GFOD2: variants seen among roughly 807,000 people sequenced by gnomAD.
GFOD2 encodes Gfo/Idh/MocA-like oxidoreductase domain containing 2.
A neutral mutation model predicts 24.6 loss-of-function variants in GFOD2; 9 were observed. The observed-to-expected ratio is 0.37, with a 90% CI of 0.22 to 0.64. The LOEUF (loss-of-function observed/expected upper bound fraction) is 0.64. GFOD2 is among the 30% of genes least tolerant of loss of function. The pLI, the probability that GFOD2 is intolerant of heterozygous loss-of-function variation, is 0.65. For synonymous variants in GFOD2, 211 were observed against 224.8 expected (o/e 0.94, Z 0.55); for missense variants, 476 against 532.5 (o/e 0.89, Z 1.04).
intron 2 of GFOD2, chr16:67,683,559 T>C: frequency 8.1e-7 from 1 of 1,231,768 alleles, no homozygotes; most frequent in African/African-American, 1.5e-5. Flanking sequence ...ATAACTCCAA[T>C]GTCACACATC....
intron 2 of GFOD2, chr16:67,681,775 C>T (rs1257202034): frequency 3.0e-6 from 3 of 985,254 alleles, no homozygotes; most frequent in Admixed American, 1.2e-4. Flanking sequence ...GACATCTTGA[C>T]TTAAACAGGC....
chr16:67,685,675 C>A lies in GFOD2; in HGVS notation c.41G>T (p.Ser14Ile), dbSNP rs1383745716. 1 of 1,613,764 alleles carries A rather than the reference C, an allele frequency of 6.2e-7. No homozygotes were observed. Among genetic ancestry groups the A allele is most frequent in the African/African-American group, 1.3e-5 (1 of 75,048 alleles). The change falls in exon 2 of 3, where the codon AGC (serine) becomes ATC (isoleucine). Residue 14 changes from serine to isoleucine, a missense_variant. By Grantham distance (142) the Ser-to-Ile change is moderately radical (BLOSUM62 -2). Coordinates refer to ENST00000268797, the MANE Select transcript of GFOD2 (RefSeq NM_030819.4). The part of the protein sequence containing the change: ...LPGVGVFGTG[S>I]SARVLVPLLR... ...CAGTGGGACCAGAACTCGGGCGGAGCTGCCAGTCCCAAACACGCCCACTCC... is the reference window on the plus strand; with the variant it reads ...CAGTGGGACCAGAACTCGGGCGGAGATGCCAGTCCCAAACACGCCCACTCC...
At chr16:67,679,221 ATT>A (rs2053205413) in intron 2 of GFOD2, among the ~76,000 whole-genome samples, 2 of 151,106 alleles carry the variant, frequency 1.3e-5, no homozygotes, top group Admixed American at 1.3e-4. Flanking sequence ...CAGGTAAATA[ATT>A]TCTTTTTTTT....
intron 1 of GFOD2, 100 bp downstream of exon 1, chr16:67,719,063 A>G (rs2053526268): frequency 2.0e-5 from 3 of 151,744 alleles, no homozygotes; most frequent in Non-Finnish European, 4.4e-5. Flanking sequence ...CACGCCTCCA[A>G]CCTCCGGCGC....
chr16:67,710,721 G>A (rs1253063287), intron 1 of GFOD2, among the ~76,000 whole-genome samples: 1 of 152,104 alleles, frequency 6.6e-6, no homozygotes, highest in African/African-American at 2.4e-5. Context: ...TGAGTTCCAC[G>A]TGAGAAAGGT....
chr16:67,705,260 T>A (rs1445949189), intron 1 of GFOD2, among the ~76,000 whole-genome samples: 1 of 152,164 alleles, frequency 6.6e-6, no homozygotes, highest in African/African-American at 2.4e-5. Flanking sequence ...CAGGCTGGAG[T>A]GCAGTGGCAT....
At chr16:67,677,875 C>A (rs898136192) in intron 2 of GFOD2, 2 of 152,394 alleles carry the variant, frequency 1.3e-5, no homozygotes, top group East Asian at 3.9e-4. Context: ...GAGGGGCAGC[C>A]TTAGGCCTGG....
chr16:67,687,982 G>A (rs563000637), intron 1 of GFOD2, among the ~76,000 whole-genome samples: 2 of 152,112 alleles, frequency 1.3e-5, no homozygotes, highest in East Asian at 3.9e-4. Flanking sequence ...TCTCAAGAAA[G>A]GAAAAAAGGT....
intron 1 of GFOD2, among the ~76,000 whole-genome samples, chr16:67,695,217 G>A (rs1220013480): frequency 2.6e-5 from 4 of 151,672 alleles, no homozygotes; most frequent in Non-Finnish European, 4.4e-5. Flanking sequence ...GGCTGGTCTC[G>A]AACTCCTGAC....
chr16:67,709,395 T>C (rs1216497503), intron 1 of GFOD2, among the ~76,000 whole-genome samples: 1 of 152,118 alleles, frequency 6.6e-6, no homozygotes, highest in African/African-American at 2.4e-5. Context: ...TTTATGTAGA[T>C]TGATTAATAA....
chr16:67,700,520 T>C (rs1414791247), intron 1 of GFOD2, among the ~76,000 whole-genome samples: 1 of 152,190 alleles, frequency 6.6e-6, no homozygotes, highest in Non-Finnish European at 1.5e-5. Context: ...GAGACCAGCC[T>C]GGCCAACATG....
intron 2 of GFOD2, among the ~76,000 whole-genome samples, chr16:67,678,185 C>T (rs762357352): frequency 2.6e-5 from 4 of 152,078 alleles, no homozygotes; most frequent in Non-Finnish European, 5.9e-5. Context: ...ATAGAGATGG[C>T]CAATGTCTTG....
chr16:67,710,516 A>T (rs958898331), intron 1 of GFOD2, among the ~76,000 whole-genome samples: 2 of 152,096 alleles, frequency 1.3e-5, no homozygotes, highest in African/African-American at 4.8e-5. Context: ...GGCGCCTGCT[A>T]CCATGCCCGG....
rs958612975 is a variant in GFOD2, at chr16:67,688,207, A to T, written c.-87-2405T>A. 4.6e-4 allele frequency among the ~76,000 whole-genome samples: 70 copies of T among 151,930 alleles called. 1 individual carries two copies. Among genetic ancestry groups the T allele is most frequent in the Non-Finnish European group, 4.7e-4 (32 of 67,980 alleles). On this transcript the variant is annotated intron_variant, in intron 1 of 2. Coordinates refer to ENST00000268797, the MANE Select transcript of GFOD2 (RefSeq NM_030819.4). Reference sequence around the variant, plus strand: ...CTATCAGAAGTATGGGGTTTTTTTTAAAAAAAGCACACAAAAGAAGTATAA... The same window carrying T: ...CTATCAGAAGTATGGGGTTTTTTTTTAAAAAAGCACACAAAAGAAGTATAA...
intron 1 of GFOD2, among the ~76,000 whole-genome samples, chr16:67,693,143 T>G (rs182143891): frequency 6.6e-6 from 1 of 152,270 alleles, no homozygotes; most frequent in East Asian, 1.9e-4. Flanking sequence ...GTACCTCTGG[T>G]CCTACTAATG....
intron 2 of GFOD2, chr16:67,682,825 C>A (rs2053238034): frequency 1.0e-6 from 1 of 985,232 alleles, no homozygotes; most frequent in Non-Finnish European, 1.2e-6. Context: ...TGCTCCTGGG[C>A]CTCAGTTTAA....
chr16:67,702,708 T>G (rs113201209), intron 1 of GFOD2, among the ~76,000 whole-genome samples: 21,066 of 149,614 alleles, frequency 0.14, 1,719 homozygotes, highest in African/African-American at 0.22. Context: ...CAAGTGATTC[T>G]CCTGCCTCAA....
intron 1 of GFOD2, among the ~76,000 whole-genome samples, chr16:67,692,890 C>T (rs1388586420): frequency 2.0e-5 from 3 of 149,824 alleles, no homozygotes; most frequent in African/African-American, 7.4e-5. Context: ...ATTATCCAGG[C>T]GTGATGGTGG....
chr16:67,702,496 G>C (rs1005903781), intron 1 of GFOD2, among the ~76,000 whole-genome samples: 1 of 151,274 alleles, frequency 6.6e-6, no homozygotes, highest in African/African-American at 2.4e-5. Context: ...TTACAATTTG[G>C]CCCTTTACAG....
Sources: gnomAD v4.1 joint callset for allele counts (sites outside exome capture counted in the v4.1 genomes callset) on GRCh38, gnomAD v4.1.1 for gene constraint, MANE v1.5 for transcripts, NCBI Gene and HGNC (gene_info 2026-07-23, HGNC 2026-07-21) for gene names.